The following BBS9 variants were observed in gnomAD, a reference collection of about 807,000 sequenced individuals.
BBS9 encodes protein PTHB1.
A neutral mutation model predicts 117.7 loss-of-function variants in BBS9; 89 were observed. The ratio of observed to expected loss-of-function variants is 0.76; its 90% CI spans 0.64 to 0.90. The LOEUF is 0.90. Among genes scored for constraint, BBS9 ranks in the 40% least tolerant of loss-of-function variants. The pLI is 0.00. For synonymous variants in BBS9, 379 were observed against 370.9 expected (o/e 1.02, Z -0.25); for missense variants, 982 against 1,042.2 (o/e 0.94, Z 0.80).
chr7:33,620,013 A>C (rs932022718), intron 21 of BBS9, among the ~76,000 whole-genome samples: 1 of 152,120 alleles, frequency 6.6e-6, no homozygotes, highest in Non-Finnish European at 1.5e-5. Context: ...GAGCAGAAAT[A>C]CATAGAGACT....
chr7:33,290,328 A>G (rs562500357), intron 9 of BBS9, among the ~76,000 whole-genome samples: 27 of 152,324 alleles, frequency 1.8e-4, no homozygotes, highest in African/African-American at 6.3e-4. Flanking sequence ...AACACAGTTT[A>G]TATGGAGACA....
At chr7:33,159,982 C>A (rs1794614908) in intron 4 of BBS9, among the ~76,000 whole-genome samples, 1 of 152,108 alleles carries the variant, frequency 6.6e-6, no homozygotes, top group Non-Finnish European at 1.5e-5. Flanking sequence ...TTTGTTAGTT[C>A]CCTGTAACTG....
chr7:33,495,650 G>A (rs950180095), intron 19 of BBS9, among the ~76,000 whole-genome samples: 45 of 152,118 alleles, frequency 3.0e-4, no homozygotes, highest in African/African-American at 1.1e-3. Context: ...TTTAAATTGG[G>A]GTTTCACTTG....
chr7:33,592,147 T>C (rs548988865), intron 21 of BBS9, among the ~76,000 whole-genome samples: 1 of 152,210 alleles, frequency 6.6e-6, no homozygotes, highest in Admixed American at 6.6e-5. Context: ...TATGCTGTAT[T>C]CATGGCCTGC....
intron 17 of BBS9, among the ~76,000 whole-genome samples, chr7:33,374,163 G>A (rs545130901): frequency 6.6e-6 from 1 of 152,166 alleles, no homozygotes; most frequent in Admixed American, 6.5e-5. Flanking sequence ...ATTGAAACTC[G>A]ATAGAAATTT....
At chr7:33,261,351 T>C (rs1296349536) in intron 6 of BBS9, among the ~76,000 whole-genome samples, 2 of 152,228 alleles carry the variant, frequency 1.3e-5, no homozygotes, top group African/African-American at 2.4e-5. Context: ...TGCCCAGCAC[T>C]GTACCTTGGT....
intron 7 of BBS9, among the ~76,000 whole-genome samples, chr7:33,270,946 T>C (rs1799690058): frequency 6.6e-6 from 1 of 152,240 alleles, no homozygotes; most frequent in Non-Finnish European, 1.5e-5. Flanking sequence ...GAAAAAATGT[T>C]AAAGGCAGCT....
At chr7:33,345,184 T>A (rs951405427) in intron 12 of BBS9, among the ~76,000 whole-genome samples, 1 of 152,226 alleles carries the variant, frequency 6.6e-6, no homozygotes, top group Non-Finnish European at 1.5e-5. Flanking sequence ...AAATTGATAG[T>A]CTGGAAAATA....
At chr7:33,323,000 A>G (rs1349162479) in intron 9 of BBS9, among the ~76,000 whole-genome samples, 1 of 152,144 alleles carries the variant, frequency 6.6e-6, no homozygotes, top group African/African-American at 2.4e-5. Context: ...TCCACTGTTC[A>G]TTAAGGAGCA....
chr7:33,163,748 T>G (rs1047855201), intron 4 of BBS9, among the ~76,000 whole-genome samples: 6 of 152,208 alleles, frequency 3.9e-5, no homozygotes, highest in African/African-American at 7.2e-5. Flanking sequence ...TTGCTAGAGG[T>G]CTATCAATTT....
intron 19 of BBS9, among the ~76,000 whole-genome samples, chr7:33,468,156 G>T (rs932786264): frequency 2.0e-5 from 3 of 152,076 alleles, no homozygotes; most frequent in African/African-American, 7.2e-5. Flanking sequence ...AGAGATCGGG[G>T]GTAGATAAAA....
chr7:33,426,904 A>G (rs1299501859), intron 19 of BBS9, among the ~76,000 whole-genome samples: 3 of 152,132 alleles, frequency 2.0e-5, no homozygotes, highest in Non-Finnish European at 4.4e-5. Context: ...CAAAAAGGAT[A>G]TTTTATAGAG....
intron 19 of BBS9, among the ~76,000 whole-genome samples, chr7:33,486,829 G>C (rs542128791): frequency 6.6e-6 from 1 of 152,310 alleles, no homozygotes; most frequent in Admixed American, 6.5e-5. Context: ...ATTCTCAGGG[G>C]AAGTCTTTTT....
At chr7:33,298,285 C>T (rs893690363) in intron 9 of BBS9, among the ~76,000 whole-genome samples, 2 of 152,040 alleles carry the variant, frequency 1.3e-5, no homozygotes, top group Non-Finnish European at 2.9e-5. Flanking sequence ...GCTCTGAGAC[C>T]TTGGGCAAGC....
At chr7:33,366,265 G>A (rs1563070443) in intron 16 of BBS9, among the ~76,000 whole-genome samples, 1 of 152,148 alleles carries the variant, frequency 6.6e-6, no homozygotes, top group South Asian at 2.1e-4. Flanking sequence ...CCACTCCACG[G>A]CTGTCACCAA....
intron 19 of BBS9, among the ~76,000 whole-genome samples, chr7:33,404,098 G>T (rs1214743614): frequency 1.3e-5 from 2 of 152,046 alleles, no homozygotes; most frequent in African/African-American, 2.4e-5. Context: ...TATTAAATAG[G>T]GAATCCTTTC....
chr7:33,279,959 C>A (rs1323931201), intron 9 of BBS9, among the ~76,000 whole-genome samples: 1 of 152,128 alleles, frequency 6.6e-6, no homozygotes, highest in Non-Finnish European at 1.5e-5. Flanking sequence ...TTGAATGAAA[C>A]TTCACAAAGA....
chr7:33,331,522 C>T (rs536331902), intron 9 of BBS9, among the ~76,000 whole-genome samples: 1 of 152,166 alleles, frequency 6.6e-6, no homozygotes, highest in African/African-American at 2.4e-5. Context: ...ACCCTAAAGA[C>T]TCATCCAAAA....
At chr7:33,630,182 A>G (rs946807665) in intron 21 of BBS9, among the ~76,000 whole-genome samples, 2 of 152,234 alleles carry the variant, frequency 1.3e-5, no homozygotes, top group African/African-American at 2.4e-5. Context: ...GAAACGAGAC[A>G]TAAGCAAAGC....
Sources: gnomAD v4.1 joint callset for allele counts (sites outside exome capture counted in the v4.1 genomes callset) on GRCh38, gnomAD v4.1.1 for gene constraint, MANE v1.5 for transcripts, NCBI Gene and HGNC (gene_info 2026-07-23, HGNC 2026-07-21) for gene names.